CACNA2D3: variants seen among roughly 807,000 people sequenced by gnomAD.
The protein encoded by CACNA2D3 is calcium voltage-gated channel auxiliary subunit alpha2delta 3, also known as voltage-dependent calcium channel subunit alpha-2/delta-3.
CACNA2D3 carries 60 observed loss-of-function variants against 160.6 expected under a neutral mutation model. The ratio of observed to expected loss-of-function variants is 0.37; its 90% CI spans 0.30 to 0.46. CACNA2D3 has a LOEUF of 0.46. CACNA2D3 is among the 20% of genes least tolerant of loss of function. CACNA2D3 has a pLI of 1.00. For missense variants in CACNA2D3, 1,205 were observed against 1,365.0 expected, an observed-to-expected ratio of 0.88 and a Z score of 1.85; for synonymous variants, 558 against 492.9, an observed-to-expected ratio of 1.13 and a Z score of -1.75.
chr3:55,074,019 CGTTCTTACGTTA>C, intron 37 of CACNA2D3, 83 bp from the exon 38 acceptor site: 3 of 1,184,974 alleles, frequency 2.5e-6, no homozygotes, highest in Non-Finnish European at 3.8e-6. Flanking sequence ...CAGAAGACTT[CGTTCTTACGTTA>C]GAGAGGGGGA....
At chr3:54,392,509 T>G (rs2106676922) in intron 4 of CACNA2D3, among the ~76,000 whole-genome samples, 1 of 152,298 alleles carries the variant, frequency 6.6e-6, no homozygotes, top group South Asian at 2.1e-4. Context: ...TCTTTGTTGT[T>G]TTGTAAGTAA....
At chr3:54,604,722 T>C (rs1703132785) in intron 9 of CACNA2D3, among the ~76,000 whole-genome samples, 1 of 152,134 alleles carries the variant, frequency 6.6e-6, no homozygotes, top group Non-Finnish European at 1.5e-5. Flanking sequence ...GGCAGTAACC[T>C]TCTAATAGGT....
chr3:54,588,790 AAAG>A (rs1437907452), intron 9 of CACNA2D3, among the ~76,000 whole-genome samples: 4 of 152,210 alleles, frequency 2.6e-5, no homozygotes, highest in East Asian at 1.9e-4. Context: ...GAAGGAAATC[AAAG>A]AAGACCTAAA....
intron 30 of CACNA2D3, among the ~76,000 whole-genome samples, chr3:54,987,079 G>C (rs905805260): frequency 1.3e-5 from 2 of 152,156 alleles, no homozygotes; most frequent in Non-Finnish European, 2.9e-5. Context: ...TAGGCCATTA[G>C]AAGTCTCATT....
intron 4 of CACNA2D3, among the ~76,000 whole-genome samples, chr3:54,470,977 A>C (rs769597887): frequency 3.3e-5 from 5 of 152,176 alleles, no homozygotes; most frequent in Non-Finnish European, 7.3e-5. Flanking sequence ...AGACTTTAAC[A>C]TACCACTGTC....
At position 54,406,030 on chromosome 3, in the gene CACNA2D3, A is replaced by G. The variant is rs149942849; in HGVS notation, c.381+19256A>G. Among the ~76,000 whole-genome samples the G allele has an allele frequency of 2.4e-3, 373 of 152,272 alleles. 4 individuals carry two copies. Among genetic ancestry groups the G allele is most frequent in the African/African-American group, 8.2e-3 (340 of 41,558 alleles). On this transcript the variant is annotated intron_variant, in intron 4 of 37. Coordinates refer to ENST00000474759, the MANE Select transcript of CACNA2D3 (RefSeq NM_018398.3). ...CACACCTGTTAGGATAACTGTTGTC[A>G]AAAAGACAAAAAGACAAGTGTTGGT...
At chr3:54,530,413 A>G (rs1188446632) in intron 5 of CACNA2D3, among the ~76,000 whole-genome samples, 1 of 152,166 alleles carries the variant, frequency 6.6e-6, no homozygotes, top group African/African-American at 2.4e-5. Context: ...AGGGAATGGG[A>G]AAGGACTGTG....
chr3:54,233,284 C>T (rs1267806430), intron 2 of CACNA2D3, among the ~76,000 whole-genome samples: 2 of 152,182 alleles, frequency 1.3e-5, no homozygotes, highest in African/African-American at 2.4e-5. Flanking sequence ...GTCAGGCTGG[C>T]ATGATGTGGA....
At chr3:54,898,600 T>A (rs75169920) in intron 26 of CACNA2D3, among the ~76,000 whole-genome samples, 2,202 of 152,298 alleles carry the variant, frequency 0.014, 59 homozygotes, top group African/African-American at 0.047. Flanking sequence ...GACCTATGAA[T>A]AATAACATTG....
At chr3:54,150,983 G>A (rs1301416576) in intron 2 of CACNA2D3, among the ~76,000 whole-genome samples, 1 of 152,038 alleles carries the variant, frequency 6.6e-6, no homozygotes, top group African/African-American at 2.4e-5. Context: ...TGGGTAAATG[G>A]ATGGATGAGT....
intron 4 of CACNA2D3, among the ~76,000 whole-genome samples, chr3:54,418,565 G>C (rs1699792933): frequency 6.6e-6 from 1 of 152,222 alleles, no homozygotes; most frequent in Non-Finnish European, 1.5e-5. Context: ...GTCTGCCTCT[G>C]CTGTTTGCTG....
intron 11 of CACNA2D3, among the ~76,000 whole-genome samples, chr3:54,741,800 C>T (rs1189779304): frequency 6.6e-6 from 1 of 151,980 alleles, no homozygotes; most frequent in Non-Finnish European, 1.5e-5. Context: ...AGATAATTGT[C>T]CTGCCTTGTT....
intron 2 of CACNA2D3, among the ~76,000 whole-genome samples, chr3:54,143,272 T>A (rs892820784): frequency 6.6e-6 from 1 of 152,246 alleles, no homozygotes; most frequent in Admixed American, 6.5e-5. Flanking sequence ...TTTTGTATGA[T>A]GGCACGGGCT....
At chr3:54,693,979 C>T (rs1174587015) in intron 11 of CACNA2D3, among the ~76,000 whole-genome samples, 3 of 152,068 alleles carry the variant, frequency 2.0e-5, no homozygotes, top group Non-Finnish European at 4.4e-5. Flanking sequence ...TGAAGAAATA[C>T]ATTTTAAAAA....
At chr3:54,206,893 A>G (rs1050575822) in intron 2 of CACNA2D3, among the ~76,000 whole-genome samples, 3 of 152,212 alleles carry the variant, frequency 2.0e-5, no homozygotes, top group African/African-American at 4.8e-5. Flanking sequence ...GGTCATGACT[A>G]TCTGATGCAG....
Position 54,687,121 on chromosome 3 carries a change from C to CTTTTTTTTTTTTTTTTTTTTTTT in CACNA2D3, c.1167+44893_1167+44894insTTTTTTTTTTTTTTTTTTTTTTT, listed in dbSNP as rs757838355. On this transcript the variant is annotated intron_variant, in intron 11 of 37. Coordinates refer to ENST00000474759, the MANE Select transcript of CACNA2D3 (RefSeq NM_018398.3). ...AAATCGGATTTTTCTTTTTCTTTTT[C>CTTTTTTTTTTTTTTTTTTTTTTT]TTTTTTTTTTTTTGTTTTTTTTTTT... 2.5e-4 allele frequency among the ~76,000 whole-genome samples: 24 copies of CTTTTTTTTTTTTTTTTTTTTTTT among 94,960 alleles called. 2 individuals are homozygous for CTTTTTTTTTTTTTTTTTTTTTTT. The highest frequency in any genetic ancestry group is 6.8e-3 in the Middle Eastern group (1 of 146). The allele number at this position is 94,960 out of a possible 152,430, so 62.3% of individuals were successfully genotyped here.
At chr3:54,299,314 C>T (rs749740992) in intron 2 of CACNA2D3, among the ~76,000 whole-genome samples, 6 of 152,122 alleles carry the variant, frequency 3.9e-5, no homozygotes, top group Non-Finnish European at 8.8e-5. Context: ...GACTGTGTAC[C>T]GTGGCACTGC....
intron 3 of CACNA2D3, among the ~76,000 whole-genome samples, chr3:54,379,467 A>G (rs1699063960): frequency 6.6e-6 from 1 of 152,254 alleles, no homozygotes; most frequent in Admixed American, 6.5e-5. Flanking sequence ...TTAAGGTTTC[A>G]GCTATGACTC....
chr3:54,821,739 C>T (rs1024326088), intron 14 of CACNA2D3, among the ~76,000 whole-genome samples: 6 of 145,866 alleles, frequency 4.1e-5, no homozygotes, highest in African/African-American at 1.5e-4. Context: ...CTCTCTCTTT[C>T]TCTCTCTCTC....
Sources: gnomAD v4.1 joint callset for allele counts (sites outside exome capture counted in the v4.1 genomes callset) on GRCh38, gnomAD v4.1.1 for gene constraint, MANE v1.5 for transcripts, NCBI Gene and HGNC (gene_info 2026-07-23, HGNC 2026-07-21) for gene names.